HDAC9: variants seen among roughly 807,000 people sequenced by gnomAD.
HDAC9 encodes MEF-2 interacting transcription repressor (MITR) protein.
A neutral mutation model predicts 139.4 loss-of-function variants in HDAC9; 41 were observed. The observed-to-expected ratio is 0.29, with a 90% CI of 0.23 to 0.38. HDAC9 has a LOEUF of 0.38. HDAC9 is among the 10% of genes least tolerant of loss of function. The pLI is 1.00. For synonymous variants in HDAC9, 517 were observed against 476.2 expected (o/e 1.09, Z -1.12); for missense variants, 1,147 against 1,297.0 (o/e 0.88, Z 1.78).
chr7:18,224,553 C>A (rs1286183038), intron 2 of HDAC9, among the ~76,000 whole-genome samples: 2 of 152,118 alleles, frequency 1.3e-5, no homozygotes, highest in Non-Finnish European at 2.9e-5. Flanking sequence ...AGCGTGGGTG[C>A]TTGTGTCACA....
intron 1 of HDAC9, among the ~76,000 whole-genome samples, chr7:18,108,767 G>T (rs760512944): frequency 6.6e-6 from 1 of 151,804 alleles, no homozygotes; most frequent in Non-Finnish European, 1.5e-5. Flanking sequence ...GATTACAGGC[G>T]CGTGCCACCA....
intron 1 of HDAC9, among the ~76,000 whole-genome samples, chr7:18,143,661 C>G (rs1053876819): frequency 1.3e-5 from 2 of 152,018 alleles, no homozygotes; most frequent in Admixed American, 6.6e-5. Context: ...TGGCGGGCAC[C>G]TGTAATCCCA....
At chr7:18,265,694 T>G (rs1795949538) in intron 2 of HDAC9, among the ~76,000 whole-genome samples, 1 of 152,080 alleles carries the variant, frequency 6.6e-6, no homozygotes, top group African/African-American at 2.4e-5. Context: ...ATAAACATAT[T>G]TTCGAAAAAA....
chr7:18,277,470 T>C (rs999165093), intron 2 of HDAC9, among the ~76,000 whole-genome samples: 11 of 152,292 alleles, frequency 7.2e-5, no homozygotes, highest in Admixed American at 7.2e-4. Flanking sequence ...CCTGGAGTAG[T>C]AGGTGTGCAA....
At chr7:18,095,077 G>A (rs144283114) in intron 1 of HDAC9, among the ~76,000 whole-genome samples, 1 of 152,174 alleles carries the variant, frequency 6.6e-6, no homozygotes, top group African/African-American at 2.4e-5. Context: ...TGTAGCATAG[G>A]TTTCTATAAG....
At chr7:18,216,875 A>G (rs562969347) in intron 2 of HDAC9, among the ~76,000 whole-genome samples, 1 of 152,292 alleles carries the variant, frequency 6.6e-6, no homozygotes, top group Non-Finnish European at 1.5e-5. Flanking sequence ...ACTGCCACCT[A>G]TAATATTGTC....
intron 1 of HDAC9, among the ~76,000 whole-genome samples, chr7:18,376,129 T>C (rs1585464223): frequency 1.3e-5 from 2 of 151,916 alleles, no homozygotes; most frequent in East Asian, 3.9e-4. Flanking sequence ...GTATAAGAAA[T>C]GAGGCCCTGG....
chr7:18,202,885 C>T (rs1791241506), intron 2 of HDAC9, among the ~76,000 whole-genome samples: 1 of 152,290 alleles, frequency 6.6e-6, no homozygotes, highest in Middle Eastern at 3.4e-3. Flanking sequence ...TGAAACTCAG[C>T]TCTTCATTCC....
intron 16 of HDAC9, among the ~76,000 whole-genome samples, chr7:18,790,471 A>C (rs189834626): frequency 3.9e-4 from 60 of 152,296 alleles, no homozygotes; most frequent in African/African-American, 1.4e-3. Flanking sequence ...CCAGTCACCA[A>C]ATGGGTTGGC....
At chr7:18,970,419 T>G (rs1463094316) in intron 24 of HDAC9, among the ~76,000 whole-genome samples, 1 of 152,344 alleles carries the variant, frequency 6.6e-6, no homozygotes, top group African/African-American at 2.4e-5. Context: ...TAGGACTATT[T>G]TATAGGCCAA....
chr7:18,936,643 C>T (rs866090271), intron 23 of HDAC9, among the ~76,000 whole-genome samples: 1 of 152,288 alleles, frequency 6.6e-6, no homozygotes, highest in African/African-American at 2.4e-5. Flanking sequence ...TCTATGTATT[C>T]ATTAATATTA....
At position 18,329,221 on chromosome 7, in the gene HDAC9, T is replaced by G. The variant is rs375829636; in HGVS notation, c.-42+38706T>G. 3.9e-3 allele frequency among the ~76,000 whole-genome samples: 586 copies of G among 151,902 alleles called. 5 individuals are homozygous for G. The highest frequency in any genetic ancestry group is 0.013 in the African/African-American group (558 of 41,504). ...GTTAGTGTAGCTAAAGTTTTGTTCATTTTTATCAAAGGGTACAAAATTTTA... is the reference window on the plus strand; with the variant it reads ...GTTAGTGTAGCTAAAGTTTTGTTCAGTTTTATCAAAGGGTACAAAATTTTA... On this transcript the variant is annotated intron_variant, in intron 1 of 3. Transcript: ENST00000413509.
chr7:18,326,615 T>C (rs1800467114), intron 1 of HDAC9, among the ~76,000 whole-genome samples: 1 of 151,998 alleles, frequency 6.6e-6, no homozygotes, highest in Non-Finnish European at 1.5e-5. Context: ...ACAGTGTACA[T>C]GCTCCATCTA....
intron 1 of HDAC9, among the ~76,000 whole-genome samples, chr7:18,371,190 C>G (rs953827511): frequency 3.9e-5 from 6 of 152,096 alleles, no homozygotes; most frequent in Admixed American, 1.3e-4. Flanking sequence ...CAGCAATAAT[C>G]GAAGTATGGA....
intron 19 of HDAC9, among the ~76,000 whole-genome samples, chr7:18,830,529 G>A (rs531961964): frequency 4.6e-5 from 7 of 152,150 alleles, no homozygotes; most frequent in Middle Eastern, 3.4e-3. Context: ...TGGAAGTCAC[G>A]GCCTCGCCCT....
At chr7:18,758,101 C>G (rs1467903444) in intron 14 of HDAC9, among the ~76,000 whole-genome samples, 5 of 152,128 alleles carry the variant, frequency 3.3e-5, no homozygotes, top group Admixed American at 2.6e-4. Context: ...TCCTACATCA[C>G]AAATTTCTTT....
chr7:18,987,022 A>G (rs1327794004), intron 25 of HDAC9, among the ~76,000 whole-genome samples: 2 of 152,234 alleles, frequency 1.3e-5, no homozygotes, highest in East Asian at 3.9e-4. Context: ...AACAGGGACA[A>G]TTTGACTTCC....
intron 2 of HDAC9, among the ~76,000 whole-genome samples, chr7:18,220,512 G>T (rs1284964803): frequency 6.6e-6 from 1 of 152,120 alleles, no homozygotes; most frequent in East Asian, 1.9e-4. Context: ...TGGAATTGAA[G>T]AATGGGTTGG....
intron 1 of HDAC9, among the ~76,000 whole-genome samples, chr7:18,345,212 G>T (rs1585276983): frequency 1.3e-5 from 2 of 152,040 alleles, no homozygotes; most frequent in South Asian, 4.1e-4. Flanking sequence ...CCAAAGCCCA[G>T]AATTTTCTTT....
Sources: gnomAD v4.1 joint callset for allele counts (sites outside exome capture counted in the v4.1 genomes callset) on GRCh38, gnomAD v4.1.1 for gene constraint, MANE v1.5 for transcripts, NCBI Gene and HGNC (gene_info 2026-07-23, HGNC 2026-07-21) for gene names.